Variants in ANAPC1 observed in about 807,000 individuals in gnomAD.
ANAPC1 encodes the protein anaphase promoting complex subunit 1, also known as anaphase-promoting complex subunit 1.
In ANAPC1, 36 loss-of-function variants were observed where a neutral mutation model predicts 208.0. That is an observed-to-expected ratio of 0.17 (90% CI 0.13 to 0.23). ANAPC1 has a LOEUF of 0.23. Ranked by LOEUF, ANAPC1 falls within the 10% of genes least tolerant of loss-of-function variation. ANAPC1 has a pLI of 1.00. For synonymous variants in ANAPC1, 378 were observed against 695.2 expected (o/e 0.54, Z 7.18); for missense variants, 942 against 2,011.6 (o/e 0.47, Z 10.17).
intron 6 of ANAPC1, among the ~76,000 whole-genome samples, chr2:111,870,135 G>A (rs147180178): frequency 0.013 from 1,950 of 152,330 alleles, 30 homozygotes; most frequent in Middle Eastern, 0.054. Context: ...CACTTAGGCT[G>A]CTTCCTTATC....
At chr2:111,829,205 C>T (rs1163078270) in intron 21 of ANAPC1, among the ~76,000 whole-genome samples, 1 of 152,082 alleles carries the variant, frequency 6.6e-6, no homozygotes, top group African/African-American at 2.4e-5. Flanking sequence ...CAGAGTGACT[C>T]CGTCTCAAGA....
chr2:111,844,111 T>A (rs969170212), intron 16 of ANAPC1, among the ~76,000 whole-genome samples: 11 of 152,046 alleles, frequency 7.2e-5, no homozygotes, highest in African/African-American at 2.4e-4. Context: ...TGTGAGCCAC[T>A]GTGCCCGGCC....
chr2:111,791,058 A>G (rs917906803), intron 38 of ANAPC1, among the ~76,000 whole-genome samples: 6 of 152,276 alleles, frequency 3.9e-5, no homozygotes, highest in African/African-American at 1.2e-4. Flanking sequence ...GTTTTATGTT[A>G]TGTGTATTTT....
At chr2:111,852,115 G>A (rs944732032) in intron 13 of ANAPC1, among the ~76,000 whole-genome samples, 32 of 148,744 alleles carry the variant, frequency 2.2e-4, no homozygotes, top group African/African-American at 7.2e-4. Flanking sequence ...CCTAATTTAC[G>A]AAAAGATGGA....
intron 22 of ANAPC1, 112 bp from the exon 23 acceptor site, chr2:111,825,279 A>C: frequency 6.9e-7 from 1 of 1,444,792 alleles, no homozygotes; most frequent in Middle Eastern, 1.9e-4. Flanking sequence ...ACATCTAAAA[A>C]AAAATAAAAT....
Position 111,868,234 on chromosome 2 carries a change from T to C in ANAPC1, c.612-138A>G, listed in dbSNP as rs1573504348. ...ATCTCAAAATGCAATCTTCTAAACT[T>C]TGTACATACTATTTTTCACATTGTC... On this transcript the variant is annotated intron_variant, in intron 6 of 47. Transcript: ENST00000341068. The C allele has an allele frequency of 3.4e-5, 18 of 529,138 alleles. No individual in the cohort carries two copies. In the East Asian group the frequency reaches 5.3e-4, roughly 16 times the overall value. 32.8% of individuals were successfully genotyped at this position (529,138 alleles called of 1,614,324 possible).
At chr2:111,823,619 G>A (rs1220264405) in intron 24 of ANAPC1, among the ~76,000 whole-genome samples, 8 of 152,228 alleles carry the variant, frequency 5.3e-5, no homozygotes, top group South Asian at 2.1e-4. Context: ...TGAATGGCCC[G>A]CTGCTACTGC....
intron 28 of ANAPC1, among the ~76,000 whole-genome samples, chr2:111,810,278 G>A (rs771686091): frequency 2.0e-5 from 3 of 148,732 alleles, no homozygotes; most frequent in Non-Finnish European, 4.5e-5. Context: ...GTAGATTAGT[G>A]GTTGGCAGGA....
rs1471219549 is a variant in ANAPC1 at position 111,858,547 on chromosome 2, T to A, written c.1263-146A>T. 1.1e-5 allele frequency: 5 copies of A among 471,664 alleles called. No homozygotes were observed. The Admixed American group carries it at 1.7e-4, about 16-fold the overall frequency. The allele number at this position is 471,664 out of a possible 1,614,324, so 29.2% of individuals were successfully genotyped here. On this transcript the variant is annotated intron_variant, in intron 10 of 47. Coordinates refer to ENST00000341068, the MANE Select transcript of ANAPC1 (RefSeq NM_022662.4). ...AGGCCGAGGCGGGCAGATCACGAGGTCAGGAGATCCAGACTATCCTGGCTA... is the reference window on the plus strand; with the variant it reads ...AGGCCGAGGCGGGCAGATCACGAGGACAGGAGATCCAGACTATCCTGGCTA...
intron 14 of ANAPC1, among the ~76,000 whole-genome samples, chr2:111,849,712 C>G (rs1303225332): frequency 6.6e-6 from 1 of 151,812 alleles, no homozygotes; most frequent in Non-Finnish European, 1.5e-5. Flanking sequence ...CATATTAATC[C>G]CTCCTTTCCA....
intron 21 of ANAPC1, among the ~76,000 whole-genome samples, chr2:111,827,318 T>G (rs1347191847): frequency 6.6e-6 from 1 of 152,122 alleles, no homozygotes; most frequent in African/African-American, 2.4e-5. Context: ...ACATAAGATC[T>G]CTCTATTAAA....
At chr2:111,847,573 A>G (rs1392436398) in intron 15 of ANAPC1, 152 bp downstream of exon 15, 4 of 1,085,736 alleles carry the variant, frequency 3.7e-6, no homozygotes, top group East Asian at 2.9e-5. Flanking sequence ...ATTACTGTAT[A>G]GTAAAAAGTA....
chr2:111,854,246 A>T (rs977072280), intron 13 of ANAPC1, among the ~76,000 whole-genome samples: 2 of 152,182 alleles, frequency 1.3e-5, no homozygotes, highest in African/African-American at 2.4e-5. Context: ...TTTTGAAAGG[A>T]ATCTTTTTTC....
intron 3 of ANAPC1, among the ~76,000 whole-genome samples, chr2:111,874,817 A>G (rs1167585365): frequency 6.6e-6 from 1 of 152,162 alleles, no homozygotes. Flanking sequence ...TGGTAATTCT[A>G]AGTATAACTT....
intron 21 of ANAPC1, among the ~76,000 whole-genome samples, chr2:111,830,069 CAAAAAT>C (rs547818187): frequency 0.024 from 3,674 of 150,364 alleles, 82 homozygotes; most frequent in Middle Eastern, 0.058. Flanking sequence ...GACTCTGTCT[CAAAAAT>C]AAAAATAAAA....
intron 42 of ANAPC1, among the ~76,000 whole-genome samples, chr2:111,782,718 C>T (rs907251495): frequency 2.6e-5 from 4 of 152,188 alleles, no homozygotes; most frequent in Admixed American, 2.0e-4. Flanking sequence ...ATTCATGGAA[C>T]TTGTTAAATG....
intron 1 of ANAPC1, among the ~76,000 whole-genome samples, chr2:111,883,719 G>T (rs1296830134): frequency 1.3e-5 from 2 of 152,140 alleles, no homozygotes; most frequent in Admixed American, 6.5e-5. Flanking sequence ...CACAGCTCAG[G>T]AAAGAGGTTG....
chr2:111,875,277 T>G (rs1367660192), intron 3 of ANAPC1, among the ~76,000 whole-genome samples: 1 of 152,194 alleles, frequency 6.6e-6, no homozygotes, highest in Non-Finnish European at 1.5e-5. Flanking sequence ...TTTGTTTTAT[T>G]GTTGAGTTGT....
intron 6 of ANAPC1, among the ~76,000 whole-genome samples, chr2:111,871,412 A>G (rs1682737695): frequency 6.6e-6 from 1 of 152,098 alleles, no homozygotes; most frequent in South Asian, 2.1e-4. Context: ...GGTTAAGCAT[A>G]TTCATAGGTT....
Sources: allele counts gnomAD v4.1 joint callset (sites outside exome capture counted in the v4.1 genomes callset), GRCh38; gene constraint gnomAD v4.1.1; transcripts MANE v1.5; gene names NCBI Gene and HGNC (gene_info 2026-07-23, HGNC 2026-07-21).